RBFOX1: variants seen among roughly 807,000 people sequenced by gnomAD.
The protein encoded by RBFOX1 is RNA binding protein fox-1 homolog 1.
RBFOX1 carries 8 observed loss-of-function variants against 57.7 expected under a neutral mutation model. The observed-to-expected ratio is 0.14, with a 90% CI of 0.08 to 0.25. RBFOX1 has a LOEUF of 0.25. Ranked by LOEUF, RBFOX1 falls within the 10% of genes least tolerant of loss-of-function variation. The pLI is 1.00. For synonymous variants in RBFOX1, 326 were observed against 222.4 expected (o/e 1.47, Z -4.15); for missense variants, 611 against 548.5 (o/e 1.11, Z -1.14).
chr16:6,057,010 T>G (rs2152449865), intron 1 of RBFOX1: 2 of 152,202 alleles, frequency 1.3e-5, no homozygotes, highest in Admixed American at 1.3e-4. Flanking sequence ...AATGCCCTGG[T>G]GACAAGAGTC....
At chr16:6,055,093 A>G (rs774263014) in intron 1 of RBFOX1, among the ~76,000 whole-genome samples, 1 of 152,154 alleles carries the variant, frequency 6.6e-6, no homozygotes. Flanking sequence ...ATGTGAGGGT[A>G]GAGTGTTTCT....
chr16:6,986,000 A>C (rs116800149), intron 3 of RBFOX1, among the ~76,000 whole-genome samples: 1 of 151,574 alleles, frequency 6.6e-6, no homozygotes, highest in Non-Finnish European at 1.5e-5. Flanking sequence ...ATTTTTTTTC[A>C]TAAAACATCT....
At chr16:7,017,043 C>G (rs1464456495) in intron 3 of RBFOX1, among the ~76,000 whole-genome samples, 1 of 152,124 alleles carries the variant, frequency 6.6e-6, no homozygotes, top group Admixed American at 6.5e-5. Context: ...CCTTCAGCCT[C>G]TTTCTCTTTT....
At chr16:7,006,307 A>T (rs1245237088) in intron 3 of RBFOX1, among the ~76,000 whole-genome samples, 1 of 152,074 alleles carries the variant, frequency 6.6e-6, no homozygotes, top group Non-Finnish European at 1.5e-5. Flanking sequence ...GGTACACACC[A>T]GTATACCCAG....
intron 10 of RBFOX1, among the ~76,000 whole-genome samples, chr16:7,625,616 A>AT (rs1182882331): frequency 1.3e-5 from 2 of 152,122 alleles, no homozygotes; most frequent in African/African-American, 4.8e-5. Context: ...CTTGAAGCTA[A>AT]TTGGCCACTC....
chr16:7,488,050 A>G (rs928245746), intron 4 of RBFOX1, among the ~76,000 whole-genome samples: 1 of 152,144 alleles, frequency 6.6e-6, no homozygotes, highest in Non-Finnish European at 1.5e-5. Flanking sequence ...GGAAGTAATC[A>G]CTGGAGGTGA....
At chr16:6,048,641 A>G (rs958499201) in intron 1 of RBFOX1, among the ~76,000 whole-genome samples, 1 of 152,224 alleles carries the variant, frequency 6.6e-6, no homozygotes, top group Non-Finnish European at 1.5e-5. Context: ...CTTAAAATTT[A>G]GCTCGCTTTT....
At chr16:7,506,531 T>C (rs1240132129) in intron 4 of RBFOX1, among the ~76,000 whole-genome samples, 4 of 152,200 alleles carry the variant, frequency 2.6e-5, no homozygotes, top group African/African-American at 9.7e-5. Context: ...AGATTTCTTT[T>C]CCTCGTTACC....
upstream of RBFOX1, among the ~76,000 whole-genome samples, chr16:6,014,849 C>G (rs1288193388): frequency 6.8e-6 from 1 of 147,284 alleles, no homozygotes; most frequent in Admixed American, 6.9e-5. Flanking sequence ...GGATGCTTGG[C>G]TACTTGATTT....
At chr16:6,900,244 A>G (rs1212265489) in intron 3 of RBFOX1, among the ~76,000 whole-genome samples, 1 of 152,210 alleles carries the variant, frequency 6.6e-6, no homozygotes, top group African/African-American at 2.4e-5. Context: ...ACGTTCAAAC[A>G]TCCCATCATA....
At chr16:7,040,414 C>T (rs534969352) in intron 3 of RBFOX1, among the ~76,000 whole-genome samples, 7 of 152,326 alleles carry the variant, frequency 4.6e-5, no homozygotes, top group Non-Finnish European at 8.8e-5. Context: ...TTAATTATTA[C>T]AATAACCATA....
At chr16:6,556,714 A>C (rs958915394) in intron 2 of RBFOX1, among the ~76,000 whole-genome samples, 2 of 152,322 alleles carry the variant, frequency 1.3e-5, no homozygotes, top group African/African-American at 4.8e-5. Flanking sequence ...TATTGTGATG[A>C]TCTGCCGTAG....
intron 3 of RBFOX1, among the ~76,000 whole-genome samples, chr16:5,863,488 G>C (rs2057275380): frequency 6.6e-6 from 1 of 152,322 alleles, no homozygotes; most frequent in East Asian, 1.9e-4. Flanking sequence ...GGCCTCTGCG[G>C]TACGGTCTGG....
chr16:7,073,698 T>A (rs189877005), intron 4 of RBFOX1, among the ~76,000 whole-genome samples: 1,528 of 151,246 alleles, frequency 0.01, 30 homozygotes, highest in African/African-American at 0.035. Context: ...TAAAAAAAAA[T>A]ATATACAAAA....
At chr16:6,084,319 C>T (rs116743018) in intron 1 of RBFOX1, among the ~76,000 whole-genome samples, 3,006 of 152,220 alleles carry the variant, frequency 0.02, 72 homozygotes, top group African/African-American at 0.059. Context: ...TCGTGACTCA[C>T]GGCAGCCTCG....
intron 4 of RBFOX1, among the ~76,000 whole-genome samples, chr16:7,189,289 G>C (rs1051806135): frequency 6.6e-6 from 1 of 151,798 alleles, no homozygotes; most frequent in Non-Finnish European, 1.5e-5. Flanking sequence ...AGCCGGGCGT[G>C]GTGGCGGGCG....
chr16:6,892,140 G>C (rs1168756203), intron 3 of RBFOX1, among the ~76,000 whole-genome samples: 1 of 152,136 alleles, frequency 6.6e-6, no homozygotes, highest in Non-Finnish European at 1.5e-5. Context: ...CCCCTGGTTG[G>C]TGATTGCAGA....
chr16:5,907,963 C>T (rs751768145), intron 4 of RBFOX1, among the ~76,000 whole-genome samples: 1 of 151,738 alleles, frequency 6.6e-6, no homozygotes, highest in Non-Finnish European at 1.5e-5. Context: ...GTTGGCCAGG[C>T]TGATCTCAAA....
intron 2 of RBFOX1, among the ~76,000 whole-genome samples, chr16:6,353,907 T>G (rs959370538): frequency 6.6e-6 from 1 of 152,156 alleles, no homozygotes; most frequent in Non-Finnish European, 1.5e-5. Flanking sequence ...TCTTCTTTTC[T>G]TCCCACCTTT....
Sources: gnomAD v4.1 joint callset for allele counts (sites outside exome capture counted in the v4.1 genomes callset) on GRCh38, gnomAD v4.1.1 for gene constraint, MANE v1.5 for transcripts, NCBI Gene and HGNC (gene_info 2026-07-23, HGNC 2026-07-21) for gene names.